DNAH11: variants seen among roughly 807,000 people sequenced by gnomAD.
The protein encoded by DNAH11 is dynein axonemal heavy chain 11, also known as axonemal beta dynein heavy chain 11.
DNAH11 carries 442 observed loss-of-function variants against 526.0 expected under a neutral mutation model. That is an observed-to-expected ratio of 0.84 (90% confidence interval 0.78 to 0.91). The LOEUF is 0.91. DNAH11 is among the 40% of genes least tolerant of loss of function. The pLI, the probability that DNAH11 is intolerant of heterozygous loss-of-function variation, is 0.00. For missense variants in DNAH11, 6,989 were observed against 5,448.7 expected, an observed-to-expected ratio of 1.28 and a Z score of -8.90; for synonymous variants, 2,461 against 1,935.9, an observed-to-expected ratio of 1.27 and a Z score of -7.12.
At position 21,588,505 on chromosome 7, in the gene DNAH11, CT is replaced by C; in HGVS notation, c.1849-5del. On this transcript the variant is annotated splice_region_variant and splice_polypyrimidine_tract_variant and intron_variant, in intron 10 of 81. Transcript: ENST00000409508. Reference sequence around the variant, plus strand: ...TTCTTCCTCTTCACCAAAATATCAACTTGCAGATTGAATGTGGTCATGTAGT... The same window carrying C: ...TTCTTCCTCTTCACCAAAATATCAACTGCAGATTGAATGTGGTCATGTAGT... The C allele has an allele frequency of 3.7e-6, 6 of 1,612,882 alleles. No individual in the cohort carries two copies. The highest frequency in any genetic ancestry group is 5.1e-6 in the Non-Finnish European group (6 of 1,179,204).
chr7:21,549,787 C>G (rs7806515), intron 2 of DNAH11, among the ~76,000 whole-genome samples: 1 of 152,098 alleles, frequency 6.6e-6, no homozygotes, highest in African/African-American at 2.4e-5. Flanking sequence ...AGTATCCCAG[C>G]TGGGGCAGGG....
At chr7:21,711,675 C>G (rs375612117) in intron 41 of DNAH11, 37 bp from the exon 42 acceptor site, 8 of 1,593,736 alleles carry the variant, frequency 5.0e-6, no homozygotes, top group Admixed American at 3.4e-5. Context: ...TGCGGCATTG[C>G]TTTTGCCCAT....
rs1160596248 is a variant in DNAH11 at position 21,842,545 on chromosome 7, T to G, written c.10693T>G (p.Tyr3565Asp). ...LGRNTIKKGK[Y>D]IRIGDKECEF... The stretch of plus-strand genomic sequence containing the variant: ...AAGTCTGTGTTTTGCTCCGTTTAGG[T>G]ATATCAGGATTGGAGATAAAGAATG... The change falls in exon 66 of 82, where the codon TAT becomes GAT. Residue 3565 changes from tyrosine (Y) to aspartate (D), a missense_variant and splice_region_variant. Transcript: ENST00000409508. 17 of 1,613,428 alleles carry G rather than the reference T, an allele frequency of 1.1e-5. No homozygotes were observed. Among genetic ancestry groups the G allele is most frequent in the Non-Finnish European group, 1.4e-5 (17 of 1,179,622 alleles).
intron 51 of DNAH11, among the ~76,000 whole-genome samples, chr7:21,746,548 G>A (rs562033742): frequency 6.6e-6 from 1 of 152,172 alleles, no homozygotes; most frequent in Admixed American, 6.5e-5. Context: ...GGTTGCAGTG[G>A]GCTAGGATTA....
At chr7:21,564,043 A>T in intron 5 of DNAH11, 143 bp from the exon 6 acceptor site, 1 of 547,618 alleles carries the variant, frequency 1.8e-6, no homozygotes, top group South Asian at 3.9e-5. Flanking sequence ...TGTAGATTGT[A>T]GGATAAGTAA....
At chr7:21,734,699 T>G (rs1785527941) in intron 45 of DNAH11, among the ~76,000 whole-genome samples, 1 of 151,844 alleles carries the variant, frequency 6.6e-6, no homozygotes, top group Admixed American at 6.6e-5. Flanking sequence ...CTACAAAAAA[T>G]ACAAAATAAT....
chr7:21,794,395 G>A (rs1788616668), intron 61 of DNAH11, among the ~76,000 whole-genome samples: 1 of 152,128 alleles, frequency 6.6e-6, no homozygotes, highest in Non-Finnish European at 1.5e-5. Context: ...TCTAGAGTAT[G>A]TTTGCTTAGA....
rs923603490 is a variant in DNAH11 at position 21,900,131 on chromosome 7, C to G, written c.13303+11C>G. 1.4e-5 allele frequency: 22 copies of G among 1,603,002 alleles called. No homozygotes were observed. Among genetic ancestry groups the G allele is most frequent in the African/African-American group, 2.7e-5 (2 of 74,406 alleles). On this transcript the variant is annotated intron_variant, in intron 81 of 81. Coordinates refer to ENST00000409508, the MANE Select transcript of DNAH11 (RefSeq NM_001277115.2). ...GACTCTTCATGGAGGGTAAGACACC[C>G]CAAGGGGTAAGTGGGGAACCTTTTC...
chr7:21,880,953 G>A, intron 75 of DNAH11, 60 bp downstream of exon 75: 2 of 1,436,860 alleles, frequency 1.4e-6, no homozygotes, highest in Non-Finnish European at 1.9e-6. Flanking sequence ...CAGTCTTTGG[G>A]CACTATCAAA....
At chr7:21,786,948 G>T (rs1312635683) in intron 59 of DNAH11, among the ~76,000 whole-genome samples, 181 bp downstream of exon 59, 3 of 152,218 alleles carry the variant, frequency 2.0e-5, no homozygotes, top group Non-Finnish European at 4.4e-5. Context: ...TTGGAAGTTA[G>T]CTTGGGGTTA....
intron 68 of DNAH11, among the ~76,000 whole-genome samples, chr7:21,855,232 C>T (rs886596785): frequency 1.3e-5 from 2 of 151,934 alleles, no homozygotes; most frequent in East Asian, 3.9e-4. Context: ...GGGGTTTCAC[C>T]GTGTTAGCCA....
At chr7:21,714,112 T>A (rs557807360) in intron 42 of DNAH11, among the ~76,000 whole-genome samples, 1 of 152,290 alleles carries the variant, frequency 6.6e-6, no homozygotes, top group East Asian at 1.9e-4. Flanking sequence ...CTCAGTCCTA[T>A]CCTGTGGAGA....
chr7:21,547,703 T>A (rs971869799), intron 2 of DNAH11, among the ~76,000 whole-genome samples: 2 of 152,268 alleles, frequency 1.3e-5, no homozygotes, highest in Non-Finnish European at 2.9e-5. Flanking sequence ...GCCATGAGGT[T>A]TGTCATATCC....
At chr7:21,887,467 T>C (rs1346618249) in intron 76 of DNAH11, among the ~76,000 whole-genome samples, 1 of 152,188 alleles carries the variant, frequency 6.6e-6, no homozygotes, top group Non-Finnish European at 1.5e-5. Flanking sequence ...ATCTGGGGTT[T>C]GAAGTAAAAA....
intron 73 of DNAH11, among the ~76,000 whole-genome samples, chr7:21,869,368 A>T (rs1240000136): frequency 6.6e-6 from 1 of 152,070 alleles, no homozygotes; most frequent in African/African-American, 2.4e-5. Flanking sequence ...CTCTTTTTTA[A>T]TGTATATTGT....
rs72657369 is a variant in DNAH11, at chr7:21,749,774, G to A, written c.8770G>A (p.Val2924Met). ...DAQVLDESFL[V>M]LINDLLASGE... is the part of the protein sequence containing the mutation. ...CCAGGTTCTAGATGAGAGCTTCCTCGTGCTGATTAATGACTTGCTGGCATC... is the reference window on the plus strand; with the variant it reads ...CCAGGTTCTAGATGAGAGCTTCCTCATGCTGATTAATGACTTGCTGGCATC... The change falls in exon 53 of 82, where the codon GTG (valine) becomes ATG (methionine). Residue 2924 changes from valine (V) to methionine (M), a missense_variant. Val to Met is a conservative substitution (Grantham distance 21). Coordinates refer to ENST00000409508, the MANE Select transcript of DNAH11 (RefSeq NM_001277115.2). The A allele has an allele frequency of 1.5e-4, 248 of 1,613,772 alleles. 1 individual carries two copies. The highest frequency in any genetic ancestry group is 1.8e-4 in the Non-Finnish European group (215 of 1,179,846).
chr7:21,798,972 T>G (rs529843094), intron 61 of DNAH11, among the ~76,000 whole-genome samples: 1 of 152,332 alleles, frequency 6.6e-6, no homozygotes, highest in South Asian at 2.1e-4. Flanking sequence ...CAAATATTAC[T>G]TGATATCATC....
rs530588129 is a variant in DNAH11, at chr7:21,734,089, T to G, written c.7441-1551T>G. On this transcript the variant is annotated intron_variant, in intron 45 of 81. Transcript: ENST00000409508. ...AGAGTCCGTGCTCTGAAGAGCATTC[T>G]ATGTGTAGATAAAAGAGAGGTCAGG... 1.4e-4 allele frequency among the ~76,000 whole-genome samples: 21 copies of G among 152,324 alleles called. 1 individual carries two copies. Among genetic ancestry groups the G allele is most frequent in the Admixed American group, 1.3e-3 (20 of 15,302 alleles).
At chr7:21,687,298 C>T (rs751977534) in intron 33 of DNAH11, 43 bp downstream of exon 33, 1 of 1,554,772 alleles carries the variant, frequency 6.4e-7, no homozygotes, top group Non-Finnish European at 8.7e-7. Context: ...TATTCTCTAA[C>T]ATTATTCCTG....
Sources: gnomAD v4.1 joint callset for allele counts (sites outside exome capture counted in the v4.1 genomes callset) on GRCh38, gnomAD v4.1.1 for gene constraint, MANE v1.5 for transcripts, NCBI Gene and HGNC (gene_info 2026-07-23, HGNC 2026-07-21) for gene names.